Variants in DCDC2 observed in about 807,000 individuals in gnomAD.
DCDC2 encodes doublecortin domain-containing protein 2.
A neutral mutation model predicts 50.2 loss-of-function variants in DCDC2; 40 were observed. That is an observed-to-expected ratio of 0.80 (90% CI 0.62 to 1.04). The LOEUF (loss-of-function observed/expected upper bound fraction) is 1.04, where lower values mean the gene tolerates loss of function less well. Among genes scored for constraint, DCDC2 ranks in the 50% least tolerant of loss-of-function variants. The pLI, the probability that DCDC2 is intolerant of heterozygous loss-of-function variation, is 0.00. For missense variants in DCDC2, 570 were observed against 581.9 expected (o/e 0.98, Z 0.21); for synonymous variants, 234 against 210.6 (o/e 1.11, Z -0.96).
chr6:24,340,765 G>A (rs541622776), intron 2 of DCDC2, among the ~76,000 whole-genome samples: 60 of 152,068 alleles, frequency 3.9e-4, no homozygotes, highest in Non-Finnish European at 4.9e-4. Flanking sequence ...TCACTCTGTC[G>A]CCCAGACTGG....
chr6:24,359,552 T>C (rs1760623613), upstream of DCDC2, among the ~76,000 whole-genome samples: 2 of 116,218 alleles, frequency 1.7e-5, no homozygotes, highest in Non-Finnish European at 3.3e-5. Context: ...ATTTTATATA[T>C]ATTATATATT....
intron 8 of DCDC2, among the ~76,000 whole-genome samples, chr6:24,192,355 C>T (rs1761333250): frequency 6.6e-6 from 1 of 151,810 alleles, no homozygotes; most frequent in Non-Finnish European, 1.5e-5. Context: ...AATGAAATGG[C>T]CAAAACGAAT....
At chr6:24,320,625 C>T (rs1759757675) in intron 2 of DCDC2, among the ~76,000 whole-genome samples, 1 of 152,194 alleles carries the variant, frequency 6.6e-6, no homozygotes, top group African/African-American at 2.4e-5. Context: ...AGCCACCACA[C>T]TCGGCTACAA....
chr6:24,358,839 ATAT>A (rs1270091805), upstream of DCDC2, among the ~76,000 whole-genome samples: 1 of 22,772 alleles, frequency 4.4e-5, no homozygotes, highest in Non-Finnish European at 6.7e-5. Flanking sequence ...ATTTATATAT[ATAT>A]TTATATATTA....
At chr6:24,261,054 A>G (rs1762998150) in intron 7 of DCDC2, among the ~76,000 whole-genome samples, 1 of 152,190 alleles carries the variant, frequency 6.6e-6, no homozygotes, top group African/African-American at 2.4e-5. Flanking sequence ...TTTTAATTGA[A>G]TCTTTTAAAC....
chr6:24,374,985 G>A, the DCDC2 span, among the ~76,000 whole-genome samples: 1 of 152,194 alleles, frequency 6.6e-6, no homozygotes. Flanking sequence ...AGGGGTGCTA[G>A]AGCCACCTGA....
intron 2 of DCDC2, among the ~76,000 whole-genome samples, chr6:24,308,493 A>G (rs1477508299): frequency 8.5e-5 from 13 of 152,240 alleles, no homozygotes; most frequent in Admixed American, 8.5e-4. Context: ...TTAAATTTCT[A>G]TAAGTTTTAT....
chr6:24,216,314 G>A (rs888183921), intron 7 of DCDC2, among the ~76,000 whole-genome samples: 1 of 151,656 alleles, frequency 6.6e-6, no homozygotes, highest in South Asian at 2.1e-4. Flanking sequence ...AAAAGAAATA[G>A]TAAAAGGTAA....
At chr6:24,300,665 T>C (rs561963333) in intron 4 of DCDC2, among the ~76,000 whole-genome samples, 198 of 152,348 alleles carry the variant, frequency 1.3e-3, no homozygotes, top group African/African-American at 4.5e-3. Context: ...AGACGTAATA[T>C]GCAATCATTT....
chr6:24,204,882 A>G (rs1055157545), intron 8 of DCDC2, 120 bp downstream of exon 8: 33 of 897,192 alleles, frequency 3.7e-5, no homozygotes, highest in South Asian at 1.7e-4. Context: ...GATCAGCCAC[A>G]TAGTACCTTA....
intron 7 of DCDC2, among the ~76,000 whole-genome samples, chr6:24,269,917 T>C (rs1476901092): frequency 6.6e-6 from 1 of 151,524 alleles, no homozygotes; most frequent in Non-Finnish European, 1.5e-5. Flanking sequence ...TTGTTAGTAA[T>C]GACTAACTCC....
At chr6:24,240,592 A>G (rs1332047949) in intron 7 of DCDC2, among the ~76,000 whole-genome samples, 1 of 152,216 alleles carries the variant, frequency 6.6e-6, no homozygotes, top group Non-Finnish European at 1.5e-5. Context: ...GCATTTTAGA[A>G]TACATGATTT....
chr6:24,233,078 G>C (rs1251242172), intron 7 of DCDC2, among the ~76,000 whole-genome samples: 1 of 152,176 alleles, frequency 6.6e-6, no homozygotes, highest in Non-Finnish European at 1.5e-5. Context: ...ACTCTGTGAG[G>C]TGTCCTATCT....
intron 1 of DCDC2, among the ~76,000 whole-genome samples, chr6:24,356,707 T>C (rs937039601): frequency 6.6e-6 from 1 of 152,228 alleles, no homozygotes; most frequent in Non-Finnish European, 1.5e-5. Context: ...GTAGTCCAGT[T>C]AGACTGAAAG....
intron 7 of DCDC2, among the ~76,000 whole-genome samples, chr6:24,254,046 T>G (rs1762846092): frequency 6.6e-6 from 1 of 152,182 alleles, no homozygotes; most frequent in African/African-American, 2.4e-5. Context: ...TAAGTTTTGT[T>G]TAATTTTTAA....
At chr6:24,286,958 C>A (rs945442126) in intron 6 of DCDC2, among the ~76,000 whole-genome samples, 2 of 152,154 alleles carry the variant, frequency 1.3e-5, no homozygotes, top group Non-Finnish European at 2.9e-5. Flanking sequence ...TCCCCTCATA[C>A]CAAGATAGTT....
intron 2 of DCDC2, among the ~76,000 whole-genome samples, chr6:24,330,490 G>A (rs756211693): frequency 5.3e-5 from 8 of 152,172 alleles, no homozygotes; most frequent in African/African-American, 1.9e-4. Flanking sequence ...GCTTCAAAAG[G>A]AGAAGGAATT....
intron 8 of DCDC2, among the ~76,000 whole-genome samples, chr6:24,182,354 C>T (rs1016207526): frequency 6.6e-6 from 1 of 152,006 alleles, no homozygotes; most frequent in Non-Finnish European, 1.5e-5. Flanking sequence ...AAGACAATAC[C>T]AACAGAGTAA....
At chr6:24,356,547 C>T (rs1760470540) in intron 1 of DCDC2, among the ~76,000 whole-genome samples, 1 of 152,132 alleles carries the variant, frequency 6.6e-6, no homozygotes, top group East Asian at 1.9e-4. Flanking sequence ...AAATCTATCT[C>T]AATAAAGCTG....
Sources: gnomAD v4.1 joint callset for allele counts (sites outside exome capture counted in the v4.1 genomes callset) on GRCh38, gnomAD v4.1.1 for gene constraint, MANE v1.5 for transcripts, NCBI Gene and HGNC (gene_info 2026-07-23, HGNC 2026-07-21) for gene names.